The following IGSF21 variants were observed in gnomAD, a reference collection of about 807,000 sequenced individuals.
The protein encoded by IGSF21 is immunoglobin superfamily member 21.
A neutral mutation model predicts 46.8 loss-of-function variants in IGSF21; 28 were observed. The observed-to-expected ratio is 0.60, with a 90% confidence interval of 0.44 to 0.82. IGSF21 has a LOEUF of 0.82. Ranked by LOEUF, IGSF21 falls within the 40% of genes least tolerant of loss-of-function variation. The probability of loss-of-function intolerance (pLI) is 0.00; values close to 1 mark genes in which losing one functional copy is unlikely to be tolerated. For synonymous variants in IGSF21, 284 were observed against 273.6 expected, an observed-to-expected ratio of 1.04 and a Z score of -0.38; for missense variants, 624 against 665.5, an observed-to-expected ratio of 0.94 and a Z score of 0.69.
intron 2 of IGSF21, among the ~76,000 whole-genome samples, chr1:18,287,193 T>TAAATAAATAAA (rs1557625746): frequency 3.3e-5 from 1 of 30,344 alleles, no homozygotes; most frequent in Non-Finnish European, 1.7e-4. Flanking sequence ...AAAAAAAAAA[T>TAAATAAATAAA]AAAATAAATA....
At chr1:18,171,031 G>C (rs1179914056) in intron 1 of IGSF21, among the ~76,000 whole-genome samples, 1 of 151,912 alleles carries the variant, frequency 6.6e-6, no homozygotes, top group Non-Finnish European at 1.5e-5. Context: ...GCCCGTCGGG[G>C]AGGCTGCCTG....
At position 18,378,332 on chromosome 1, in the gene IGSF21, C is replaced by A; in HGVS notation, c.*6C>A. On this transcript the variant is annotated 3_prime_UTR_variant, in exon 10 of 10. Transcript: ENST00000251296. ...TGATTCTGGAGCTGACGTGAAGGCA[C>A]CCGCCCCGGCCACTCCATCAGGCAC... 6.2e-7 allele frequency: 1 copy of A among 1,612,494 alleles called. No homozygotes were observed. The highest frequency in any genetic ancestry group is 8.5e-7 in the Non-Finnish European group (1 of 1,179,034).
At chr1:18,315,819 G>A (rs1275650593) in intron 3 of IGSF21, among the ~76,000 whole-genome samples, 1 of 34,568 alleles carries the variant, frequency 2.9e-5, no homozygotes, top group Admixed American at 3.6e-4. Flanking sequence ...GTGGATAGGT[G>A]TGGATGGCTA....
chr1:18,345,977 A>C (rs982898817), intron 4 of IGSF21, among the ~76,000 whole-genome samples: 1 of 151,944 alleles, frequency 6.6e-6, no homozygotes, highest in South Asian at 2.1e-4. Flanking sequence ...CTTTTTGCTG[A>C]ATGGGGGTTA....
At chr1:18,298,288 A>G (rs2085330652) in intron 3 of IGSF21, among the ~76,000 whole-genome samples, 1 of 151,430 alleles carries the variant, frequency 6.6e-6, no homozygotes, top group Non-Finnish European at 1.5e-5. Context: ...GGGAACGAAG[A>G]CAAAGCCGTC....
At chr1:18,321,685 T>C (rs940417204) in intron 3 of IGSF21, among the ~76,000 whole-genome samples, 2 of 152,146 alleles carry the variant, frequency 1.3e-5, no homozygotes, top group African/African-American at 2.4e-5. Context: ...GCCTCTTTTG[T>C]GGGGGTGCTC....
At chr1:18,305,550 G>T (rs1312144299) in intron 3 of IGSF21, among the ~76,000 whole-genome samples, 2 of 145,524 alleles carry the variant, frequency 1.4e-5, no homozygotes. Flanking sequence ...GATGGATGAT[G>T]GATGGATGGA....
At chr1:18,138,551 C>A (rs949190542) in intron 1 of IGSF21, among the ~76,000 whole-genome samples, 1 of 152,142 alleles carries the variant, frequency 6.6e-6, no homozygotes, top group Non-Finnish European at 1.5e-5. Flanking sequence ...AAAAGAAAAG[C>A]AACTGATGCG....
intron 1 of IGSF21, among the ~76,000 whole-genome samples, chr1:18,202,843 G>C (rs1017264294): frequency 2.0e-5 from 3 of 152,190 alleles, no homozygotes; most frequent in Non-Finnish European, 4.4e-5. Context: ...TTAAGCTGTG[G>C]GAATGGACAA....
At chr1:18,232,756 C>T (rs547248660) in intron 2 of IGSF21, among the ~76,000 whole-genome samples, 5 of 152,372 alleles carry the variant, frequency 3.3e-5, no homozygotes, top group African/African-American at 1.2e-4. Context: ...AGAGCAGAGT[C>T]ACCTCAGTGA....
intron 4 of IGSF21, among the ~76,000 whole-genome samples, chr1:18,352,473 C>A (rs2085967817): frequency 1.3e-5 from 2 of 152,128 alleles, no homozygotes; most frequent in South Asian, 4.1e-4. Flanking sequence ...AATAAGCTCC[C>A]GGGTGATTCG....
At chr1:18,196,105 G>A (rs1414742887) in intron 1 of IGSF21, among the ~76,000 whole-genome samples, 1 of 152,148 alleles carries the variant, frequency 6.6e-6, no homozygotes, top group Non-Finnish European at 1.5e-5. Context: ...TTCATCCTGG[G>A]GTATCCCTTC....
At chr1:18,256,191 C>T (rs1053081638) in intron 2 of IGSF21, among the ~76,000 whole-genome samples, 1 of 152,170 alleles carries the variant, frequency 6.6e-6, no homozygotes, top group Non-Finnish European at 1.5e-5. Context: ...TGTATATGCC[C>T]TCCTGTATGA....
In IGSF21 at chr1:18,378,315, G is replaced by A. The variant is rs918671978; in HGVS notation, c.1393G>A (p.Glu465Lys). The change falls in exon 10 of 10, where the codon GAG becomes AAG. Residue 465 changes from glutamate (E) to lysine (K), a missense_variant. Glu to Lys is a moderately conservative substitution (Grantham distance 56, BLOSUM62 1). Transcript: ENST00000251296. ...TLVLALTVILELT is the reference protein window; with the variant it reads ...TLVLALTVILKLT Reference sequence around the variant, plus strand: ...GGTGCTCGCCCTGACAGTGATTCTGGAGCTGACGTGAAGGCACCCGCCCCG... The same window carrying A: ...GGTGCTCGCCCTGACAGTGATTCTGAAGCTGACGTGAAGGCACCCGCCCCG... 4.3e-6 allele frequency: 7 copies of A among 1,613,428 alleles called. No individual in the cohort carries two copies. The highest frequency in any genetic ancestry group is 5.9e-6 in the Non-Finnish European group (7 of 1,179,786).
At chr1:18,311,116 C>A (rs1234304961) in intron 3 of IGSF21, among the ~76,000 whole-genome samples, 1 of 152,156 alleles carries the variant, frequency 6.6e-6, no homozygotes, top group African/African-American at 2.4e-5. Flanking sequence ...CCTACAACAC[C>A]GCCTAACAGT....
chr1:18,195,928 C>T (rs1022749603), intron 1 of IGSF21, among the ~76,000 whole-genome samples: 3 of 152,152 alleles, frequency 2.0e-5, no homozygotes, highest in Admixed American at 2.0e-4. Flanking sequence ...GAAGGCTTCC[C>T]GGAAGAGGCA....
intron 2 of IGSF21, among the ~76,000 whole-genome samples, chr1:18,244,472 T>C (rs1362233714): frequency 3.9e-5 from 6 of 152,198 alleles, no homozygotes; most frequent in African/African-American, 1.4e-4. Context: ...TGAAAGCTCG[T>C]GAAGGAAAGG....
intron 1 of IGSF21, among the ~76,000 whole-genome samples, chr1:18,160,229 T>C (rs2086605368): frequency 6.6e-6 from 1 of 152,208 alleles, no homozygotes; most frequent in African/African-American, 2.4e-5. Context: ...CTGGTCTCAC[T>C]CTGCTGGAGT....
intron 2 of IGSF21, among the ~76,000 whole-genome samples, chr1:18,272,210 A>T (rs1395812081): frequency 6.6e-6 from 1 of 151,934 alleles, no homozygotes; most frequent in Non-Finnish European, 1.5e-5. Context: ...TTATTCACTA[A>T]CACTAGAACA....
Sources: allele counts gnomAD v4.1 joint callset (sites outside exome capture counted in the v4.1 genomes callset), GRCh38; gene constraint gnomAD v4.1.1; transcripts MANE v1.5; gene names NCBI Gene and HGNC (gene_info 2026-07-23, HGNC 2026-07-21).